RYR1: variants seen among roughly 807,000 people sequenced by gnomAD.
The protein encoded by RYR1 is ryanodine receptor 1.
Under a neutral mutation model 583.5 loss-of-function variants are expected in RYR1, and 342 were observed. The observed-to-expected ratio is 0.59, with a 90% confidence interval of 0.54 to 0.64. The LOEUF (loss-of-function observed/expected upper bound fraction) is 0.64, where lower values mean the gene tolerates loss of function less well. Among genes scored for constraint, RYR1 ranks in the 30% least tolerant of loss-of-function variants. The pLI, the probability that RYR1 is intolerant of heterozygous loss-of-function variation, is 0.00. For missense variants in RYR1, 6,032 were observed against 6,917.2 expected (o/e 0.87, Z 4.54); for synonymous variants, 2,791 against 2,822.5 (o/e 0.99, Z 0.35).
At chr19:38,478,712 T>G in intron 31 of RYR1, 112 bp downstream of exon 31, 69 of 1,260,154 alleles carry the variant, frequency 5.5e-5, no homozygotes, top group Non-Finnish European at 6.9e-5. Flanking sequence ...AAACAGCTCC[T>G]AGGCTGTCCT....
chr19:38,553,386 A>G (rs1273833598), intron 89 of RYR1, among the ~76,000 whole-genome samples: 1 of 148,122 alleles, frequency 6.8e-6, no homozygotes, highest in Non-Finnish European at 1.5e-5. Flanking sequence ...GGCTCACACC[A>G]GTAATTCCAG....
intron 34 of RYR1, among the ~76,000 whole-genome samples, chr19:38,488,228 T>G (rs1969385638): frequency 6.6e-6 from 1 of 152,154 alleles, no homozygotes; most frequent in Admixed American, 6.6e-5. Flanking sequence ...TCCTCATGCA[T>G]CTATCAACCC....
rs146625212 is a variant in RYR1 at position 38,444,325 on chromosome 19, C to T, written c.537+64C>T. ...GCGCATGGGATGGTCCCCATCTTCT[C>T]ACCATGGGTTTGCCTGGCTGATCTC... On this transcript the variant is annotated intron_variant, in intron 6 of 105. Transcript: ENST00000359596. The surrounding 1 kb of genome is among the most constrained non-coding windows in gnomAD (Gnocchi z 5.1). The T allele has an allele frequency of 2.3e-6, 3 of 1,323,244 alleles. No homozygotes were observed. The highest frequency in any genetic ancestry group is 2.9e-5 in the African/African-American group (2 of 69,182). 82.0% of individuals were successfully genotyped at this position (1,323,244 alleles called of 1,614,324 possible).
chr19:38,464,869 G>A, intron 23 of RYR1, 147 bp downstream of exon 23: 1 of 688,688 alleles, frequency 1.5e-6, no homozygotes, highest in East Asian at 2.8e-5. Context: ...ATAGGGTCAG[G>A]GCTCTGGGGT....
Position 38,561,505 on chromosome 19 carries a change from C to A in RYR1, c.12624+51C>A. The A allele has an allele frequency of 6.5e-7, 1 of 1,537,542 alleles. No individual in the cohort carries two copies. Among genetic ancestry groups the A allele is most frequent in the Non-Finnish European group, 8.8e-7 (1 of 1,135,024 alleles). On this transcript the variant is annotated intron_variant, in intron 90 of 105. Coordinates refer to ENST00000359596, the MANE Select transcript of RYR1 (RefSeq NM_000540.3). The surrounding 1 kb of genome is among the most constrained non-coding windows in gnomAD (Gnocchi z 4.8). ...CTCGCCTCCTGGGGCTTCGGGCATG[C>A]GGGTGCTCACTTCCTGCACCCTCAG...
In RYR1 at chr19:38,457,684, G is replaced by A. The variant is rs1967491367; in HGVS notation, c.1925+54G>A. The A allele has an allele frequency of 1.9e-6, 3 of 1,562,592 alleles. No individual in the cohort carries two copies. The African/African-American group carries it at 4.1e-5, about 21-fold the overall frequency. ...CTCAGAACCTCTCAACCCTCTCCCT[G>A]ACTTAGAGACTCCACACCCAGATGG... On this transcript the variant is annotated intron_variant, in intron 17 of 105. Coordinates refer to ENST00000359596, the MANE Select transcript of RYR1 (RefSeq NM_000540.3).
chr19:38,551,835 G>A (rs1419240534), intron 89 of RYR1, among the ~76,000 whole-genome samples: 1 of 152,036 alleles, frequency 6.6e-6, no homozygotes, highest in East Asian at 1.9e-4. Flanking sequence ...CTGTGCCTGA[G>A]CCCTCCACCT....
intron 78 of RYR1, among the ~76,000 whole-genome samples, chr19:38,533,419 A>C (rs1261757586): frequency 2.0e-5 from 3 of 152,238 alleles, no homozygotes; most frequent in Non-Finnish European, 4.4e-5. Flanking sequence ...TAGCAGAGGA[A>C]ACAAGTATTG....
intron 9 of RYR1, among the ~76,000 whole-genome samples, chr19:38,447,841 TAAAAA>T (rs55754306): frequency 2.2e-5 from 3 of 137,526 alleles, no homozygotes; most frequent in Non-Finnish European, 4.6e-5. Context: ...GGCCCTGCCT[TAAAAA>T]AAAAAAAAAA....
At chr19:38,538,721 A>C (rs779120524) in intron 84 of RYR1, 3 of 152,272 alleles carry the variant, frequency 2.0e-5, no homozygotes, top group Non-Finnish European at 2.9e-5. Flanking sequence ...AGATCTGTAC[A>C]AAGGCCTACA....
rs200556164 is a variant in RYR1 at position 38,485,764 on chromosome 19, A to T, written c.5109A>T (p.Pro1703=). 2 of 1,613,176 alleles carry T rather than the reference A, an allele frequency of 1.2e-6. No individual in the cohort carries two copies. The highest frequency in any genetic ancestry group is 1.7e-5 in the Admixed American group (1 of 60,026). ...ACGCCCTGGAGGACGCGCACCTGCC[A>T]GGCCCACTGCGCGCAGGCTACTATG... The part of the protein sequence containing the change: ...LLHALEDAHL[P]GPLRAGYYDL... Residue 1703 remains proline, a synonymous_variant, in exon 34 of 106, where the codon CCA becomes CCT. Transcript: ENST00000359596.
intron 42 of RYR1, among the ~76,000 whole-genome samples, chr19:38,497,186 G>T (rs550211520): frequency 6.7e-6 from 1 of 149,224 alleles, no homozygotes; most frequent in African/African-American, 2.5e-5. Flanking sequence ...CTGGGGGCAG[G>T]TCCACAGTCT....
At chr19:38,535,269 T>A in intron 80 of RYR1, 47 bp from the exon 81 acceptor site, 1 of 1,613,082 alleles carries the variant, frequency 6.2e-7, no homozygotes. Flanking sequence ...GGATGAGAGG[T>A]TCCTGTGTGA....
chr19:38,581,536 G>A (rs1974209428), intron 101 of RYR1, among the ~76,000 whole-genome samples: 1 of 151,326 alleles, frequency 6.6e-6, no homozygotes. Context: ...TTTGAACAGT[G>A]CCAGGCATAT....
chr19:38,446,891 G>A (rs1310790063), intron 9 of RYR1, 123 bp downstream of exon 9: 6 of 738,366 alleles, frequency 8.1e-6, no homozygotes, highest in Non-Finnish European at 6.6e-6. Context: ...GGGAAAATCA[G>A]AGCAGCCTGA....
intron 29 of RYR1, among the ~76,000 whole-genome samples, chr19:38,476,267 C>T (rs748729061): frequency 4.6e-5 from 7 of 151,892 alleles, no homozygotes; most frequent in Admixed American, 1.3e-4. Context: ...GGCGCGATCT[C>T]GGCTCACTGC....
chr19:38,543,962 T>C lies in RYR1; in HGVS notation c.12012+87T>C. 1 of 1,301,088 alleles carries C rather than the reference T, an allele frequency of 7.7e-7. No individual in the cohort carries two copies. The highest frequency in any genetic ancestry group is 1.1e-6 in the Non-Finnish European group (1 of 924,016). 80.6% of individuals were successfully genotyped at this position (1,301,088 alleles called of 1,614,324 possible). On this transcript the variant is annotated intron_variant, in intron 87 of 105. Coordinates refer to ENST00000359596, the MANE Select transcript of RYR1 (RefSeq NM_000540.3). This position sits in a 1 kb window ranked among gnomAD's most constrained non-coding sequence, Gnocchi z 4.4. ...AAGTCTTGCCCCTTTGGTCAGTTTG[T>C]CACCCGAGTGCTCCCGGCATGTTCC...
intron 39 of RYR1, among the ~76,000 whole-genome samples, chr19:38,495,444 C>T (rs548120039): frequency 6.6e-6 from 1 of 152,256 alleles, no homozygotes; most frequent in East Asian, 1.9e-4. Context: ...TTCCTGGGCT[C>T]AAGCGATCCT....
intron 90 of RYR1, 58 bp from the exon 91 acceptor site, chr19:38,564,890 ACTGCGCTGTCG>A: frequency 6.5e-7 from 1 of 1,534,884 alleles, no homozygotes; most frequent in Non-Finnish European, 8.7e-7. Context: ...TGTAGCTGCC[ACTGCGCTGTCG>A]CTGCTGTCCG....
Sources: allele counts gnomAD v4.1 joint callset (sites outside exome capture counted in the v4.1 genomes callset), GRCh38; gene constraint gnomAD v4.1.1; non-coding constraint Gnocchi (gnomAD v3.1); transcripts MANE v1.5; gene names NCBI Gene and HGNC (gene_info 2026-07-23, HGNC 2026-07-21).